HECW2: variants seen among roughly 807,000 people sequenced by gnomAD.
HECW2 encodes E3 ubiquitin-protein ligase HECW2.
A neutral mutation model predicts 175.2 loss-of-function variants in HECW2; 61 were observed. The observed-to-expected ratio is 0.35, with a 90% CI of 0.28 to 0.43. The LOEUF (loss-of-function observed/expected upper bound fraction) is 0.43, where lower values mean the gene tolerates loss of function less well. HECW2 is among the 20% of genes least tolerant of loss of function. HECW2 has a pLI of 1.00. For missense variants in HECW2, 1,524 were observed against 2,000.5 expected, an observed-to-expected ratio of 0.76 and a Z score of 4.54; for synonymous variants, 671 against 731.0, an observed-to-expected ratio of 0.92 and a Z score of 1.32.
chr2:196,362,772 T>G (rs1290785224), intron 2 of HECW2, among the ~76,000 whole-genome samples: 4 of 152,278 alleles, frequency 2.6e-5, no homozygotes, highest in East Asian at 1.9e-4. Context: ...CCAGTCCAGA[T>G]CCACCATTCT....
At chr2:196,454,980 G>T (rs972628485) in intron 1 of HECW2, among the ~76,000 whole-genome samples, 1 of 151,944 alleles carries the variant, frequency 6.6e-6, no homozygotes. Context: ...CTCATGTTTC[G>T]GTTTAATCTG....
intron 1 of HECW2, among the ~76,000 whole-genome samples, chr2:196,519,557 G>C (rs1027410590): frequency 6.6e-6 from 1 of 152,056 alleles, no homozygotes; most frequent in African/African-American, 2.4e-5. Flanking sequence ...AAAAAATTTT[G>C]TTCTTGCCTC....
intron 2 of HECW2, among the ~76,000 whole-genome samples, chr2:196,361,626 T>C (rs1324780183): frequency 1.3e-5 from 2 of 152,226 alleles, no homozygotes; most frequent in Non-Finnish European, 1.5e-5. Flanking sequence ...TGATCTCTTA[T>C]ATCCAGTTGC....
chr2:196,202,051 A>G (rs1053249569), intron 28 of HECW2, among the ~76,000 whole-genome samples: 1 of 152,220 alleles, frequency 6.6e-6, no homozygotes, highest in Non-Finnish European at 1.5e-5. Flanking sequence ...TTGCCAAGAT[A>G]GGAAAAAAAT....
intron 1 of HECW2, among the ~76,000 whole-genome samples, chr2:196,487,322 A>G (rs1283170940): frequency 6.6e-6 from 1 of 152,098 alleles, no homozygotes; most frequent in Non-Finnish European, 1.5e-5. Context: ...TCAAAAACAA[A>G]CAAGCAAAAT....
intron 2 of HECW2, among the ~76,000 whole-genome samples, chr2:196,362,656 T>C (rs1023365038): frequency 6.6e-6 from 1 of 152,210 alleles, no homozygotes; most frequent in South Asian, 2.1e-4. Flanking sequence ...CGGTTATCAA[T>C]GCAGAAGTTA....
At chr2:196,381,699 T>C (rs575983864) in intron 2 of HECW2, among the ~76,000 whole-genome samples, 3 of 152,142 alleles carry the variant, frequency 2.0e-5, no homozygotes, top group Non-Finnish European at 4.4e-5. Context: ...ATCCCCATGA[T>C]AAGGTTCTCT....
chr2:196,263,101 G>T (rs1387615518), intron 17 of HECW2: 1 of 150,970 alleles, frequency 6.6e-6, no homozygotes, highest in African/African-American at 2.4e-5. Flanking sequence ...TACTAAAACA[G>T]AATCCACTGG....
chr2:196,274,106 T>C lies in HECW2; in HGVS notation c.3153A>G (p.Arg1051=), dbSNP rs1457525492. 6.2e-7 allele frequency: 1 copy of C among 1,613,900 alleles called. No individual in the cohort carries two copies. Among genetic ancestry groups the C allele is most frequent in the Admixed American group, 1.7e-5 (1 of 60,030 alleles). The change falls in exon 16 of 29, where the codon CGA becomes CGG. Residue 1051 remains arginine, a synonymous_variant. Transcript: ENST00000644978. ...TGGGAAGAACTGGTGGTCCTGCATG[T>C]CGAGAATCTTCTCCTACCTGCAAAC... is the stretch of plus-strand genomic sequence containing the variant. ...HSAGEVGEDS[R]HAGPPVLPRP...
chr2:196,592,999 G>A (rs1691263315), intron 1 of HECW2, among the ~76,000 whole-genome samples: 1 of 151,708 alleles, frequency 6.6e-6, no homozygotes, highest in African/African-American at 2.4e-5. Context: ...CCCCGACCCC[G>A]AGACCGCGAG....
chr2:196,415,586 A>G (rs1250169809), intron 2 of HECW2, among the ~76,000 whole-genome samples: 1 of 108,952 alleles, frequency 9.2e-6, no homozygotes. Flanking sequence ...ACCAATGTGC[A>G]CGCGCTGAAT....
intron 2 of HECW2, among the ~76,000 whole-genome samples, chr2:196,423,405 A>T (rs1695456977): frequency 6.6e-6 from 1 of 152,088 alleles, no homozygotes; most frequent in African/African-American, 2.4e-5. Context: ...AGCGCCTGTG[A>T]TCTCAACAAT....
At chr2:196,418,632 A>C (rs1476436589) in intron 2 of HECW2, among the ~76,000 whole-genome samples, 1 of 152,232 alleles carries the variant, frequency 6.6e-6, no homozygotes, top group East Asian at 1.9e-4. Flanking sequence ...GAAACAAGAG[A>C]ATAAGAAAAG....
At chr2:196,414,465 T>C (rs149363775) in intron 2 of HECW2, among the ~76,000 whole-genome samples, 30 of 152,366 alleles carry the variant, frequency 2.0e-4, no homozygotes, top group African/African-American at 7.2e-4. Flanking sequence ...GAAGGGCTGA[T>C]TGAGCTGGTA....
chr2:196,489,656 G>C (rs564684046), intron 1 of HECW2, among the ~76,000 whole-genome samples: 1 of 152,316 alleles, frequency 6.6e-6, no homozygotes, highest in South Asian at 2.1e-4. Context: ...TTTTAAGTCT[G>C]GGATGGCCCA....
intron 1 of HECW2, among the ~76,000 whole-genome samples, chr2:196,569,270 A>C (rs1393544178): frequency 6.6e-6 from 1 of 152,164 alleles, no homozygotes. Flanking sequence ...TGAGCCCAGG[A>C]GTTCAAGGTT....
intron 9 of HECW2, among the ~76,000 whole-genome samples, chr2:196,317,933 T>C (rs1214922142): frequency 7.2e-5 from 11 of 152,220 alleles, no homozygotes; most frequent in Non-Finnish European, 1.5e-4. Flanking sequence ...AAACAGCTTA[T>C]TCTCCAAGTC....
intron 17 of HECW2, among the ~76,000 whole-genome samples, chr2:196,258,301 G>A (rs1689146645): frequency 6.6e-6 from 1 of 152,152 alleles, no homozygotes; most frequent in Non-Finnish European, 1.5e-5. Context: ...GATTGTGTTG[G>A]GAGAGTCATC....
intron 1 of HECW2, among the ~76,000 whole-genome samples, chr2:196,535,932 C>T (rs982674974): frequency 1.3e-5 from 2 of 151,952 alleles, no homozygotes; most frequent in African/African-American, 4.8e-5. Flanking sequence ...AAAAATCTAC[C>T]TCCAGGGGGA....
Sources: allele counts gnomAD v4.1 joint callset (sites outside exome capture counted in the v4.1 genomes callset), GRCh38; gene constraint gnomAD v4.1.1; transcripts MANE v1.5; gene names NCBI Gene and HGNC (gene_info 2026-07-23, HGNC 2026-07-21).